The following NOS1AP variants were observed in gnomAD, a reference collection of about 807,000 sequenced individuals.
NOS1AP encodes the protein carboxyl-terminal PDZ ligand of neuronal nitric oxide synthase protein.
NOS1AP carries 21 observed loss-of-function variants against 56.2 expected under a neutral mutation model. The observed-to-expected ratio is 0.37, with a 90% CI of 0.26 to 0.54. The LOEUF is 0.54. Ranked by LOEUF, NOS1AP falls within the 20% of genes least tolerant of loss-of-function variation. NOS1AP has a pLI of 0.84. For missense variants in NOS1AP, 522 were observed against 657.8 expected (o/e 0.79, Z 2.26); for synonymous variants, 270 against 274.6 (o/e 0.98, Z 0.17).
intron 2 of NOS1AP, among the ~76,000 whole-genome samples, chr1:162,175,194 C>T (rs1435488849): frequency 1.3e-5 from 2 of 151,036 alleles, no homozygotes; most frequent in African/African-American, 2.4e-5. Context: ...CACTTACATG[C>T]ACTTACAGAG....
intron 8 of NOS1AP, among the ~76,000 whole-genome samples, chr1:162,358,204 G>T (rs1484901572): frequency 6.6e-6 from 1 of 152,178 alleles, no homozygotes; most frequent in East Asian, 1.9e-4. Flanking sequence ...TCTTGTCCTG[G>T]CTCTTGAGTG....
At chr1:162,204,034 C>G (rs935734114) in intron 2 of NOS1AP, among the ~76,000 whole-genome samples, 4 of 152,198 alleles carry the variant, frequency 2.6e-5, no homozygotes, top group African/African-American at 9.7e-5. Flanking sequence ...CACCCATCCT[C>G]CACAGTATGG....
At chr1:162,081,420 A>G (rs1373380601) in intron 1 of NOS1AP, among the ~76,000 whole-genome samples, 3 of 151,866 alleles carry the variant, frequency 2.0e-5, no homozygotes, top group African/African-American at 7.3e-5. Context: ...TGGGAAGGAG[A>G]GGAGCTCTGG....
chr1:162,117,308 A>G (rs1480000611), intron 1 of NOS1AP, among the ~76,000 whole-genome samples: 1 of 152,126 alleles, frequency 6.6e-6, no homozygotes, highest in Non-Finnish European at 1.5e-5. Flanking sequence ...CTGTGGATTT[A>G]CTTGCTGCTG....
intron 4 of NOS1AP, among the ~76,000 whole-genome samples, chr1:162,320,812 C>A (rs1656391168): frequency 6.6e-6 from 1 of 152,004 alleles, no homozygotes; most frequent in African/African-American, 2.4e-5. Flanking sequence ...CGAGATTGCA[C>A]CACTGCATTC....
intron 1 of NOS1AP, among the ~76,000 whole-genome samples, chr1:162,119,193 A>G (rs905296103): frequency 1.3e-5 from 2 of 152,154 alleles, no homozygotes; most frequent in Admixed American, 6.5e-5. Flanking sequence ...CTTGGGGTCC[A>G]TGGATGGGAA....
At chr1:162,316,748 G>A (rs1242516081) in intron 4 of NOS1AP, 2 of 152,662 alleles carry the variant, frequency 1.3e-5, no homozygotes, top group African/African-American at 4.8e-5. Context: ...TCTCAAGGGT[G>A]GGGAGAATTA....
chr1:162,098,504 T>C (rs1692301586), intron 1 of NOS1AP, among the ~76,000 whole-genome samples: 1 of 152,066 alleles, frequency 6.6e-6, no homozygotes. Flanking sequence ...CGTTTTTTTT[T>C]TTTCTCTAAC....
At chr1:162,254,463 G>A (rs1176411545) in intron 2 of NOS1AP, among the ~76,000 whole-genome samples, 1 of 152,184 alleles carries the variant, frequency 6.6e-6, no homozygotes, top group Non-Finnish European at 1.5e-5. Flanking sequence ...AAAGCCATGG[G>A]CCTGCTAGAT....
chr1:162,274,295 A>G (rs1183424366), intron 2 of NOS1AP, among the ~76,000 whole-genome samples: 1 of 152,182 alleles, frequency 6.6e-6, no homozygotes, highest in East Asian at 1.9e-4. Context: ...AGAGACCCAG[A>G]ACCGGTGAAC....
At chr1:162,157,087 G>A (rs1355663511) in intron 2 of NOS1AP, 1 of 154,690 alleles carries the variant, frequency 6.5e-6, no homozygotes, top group Non-Finnish European at 1.5e-5. Flanking sequence ...AGCAAGGGAA[G>A]GCCGAGGCAT....
intron 2 of NOS1AP, among the ~76,000 whole-genome samples, chr1:162,186,639 G>A (rs1651442353): frequency 6.6e-6 from 1 of 152,172 alleles, no homozygotes; most frequent in African/African-American, 2.4e-5. Flanking sequence ...CTTAGAAGAA[G>A]TGAAAGAGAG....
intron 4 of NOS1AP, among the ~76,000 whole-genome samples, chr1:162,321,649 C>T (rs1229018920): frequency 6.6e-6 from 1 of 150,586 alleles, no homozygotes; most frequent in Non-Finnish European, 1.5e-5. Flanking sequence ...AGCACACCAA[C>T]ATGGCACATG....
intron 2 of NOS1AP, among the ~76,000 whole-genome samples, chr1:162,223,451 T>C (rs1321604818): frequency 6.6e-6 from 1 of 151,836 alleles, no homozygotes; most frequent in East Asian, 1.9e-4. Flanking sequence ...AGCTCTGTGA[T>C]AATTAAGGAC....
chr1:162,263,990 T>G (rs1349428910), intron 2 of NOS1AP, among the ~76,000 whole-genome samples: 1 of 152,230 alleles, frequency 6.6e-6, no homozygotes, highest in African/African-American at 2.4e-5. Context: ...ATCCAACTGC[T>G]GCTCTCTCCG....
chr1:162,121,351 T>C (rs551559953), intron 1 of NOS1AP, among the ~76,000 whole-genome samples: 1 of 152,086 alleles, frequency 6.6e-6, no homozygotes, highest in East Asian at 1.9e-4. Flanking sequence ...ACTCCTGACC[T>C]CAAGTGATCC....
intron 3 of NOS1AP, among the ~76,000 whole-genome samples, chr1:162,298,978 C>T (rs10800422): frequency 0.12 from 18,973 of 152,224 alleles, 1,957 homozygotes; most frequent in East Asian, 0.45. Context: ...TATGTGGTCA[C>T]GGCTATAGAT....
chr1:162,163,392 C>G (rs1354811395), intron 2 of NOS1AP, among the ~76,000 whole-genome samples: 1 of 152,174 alleles, frequency 6.6e-6, no homozygotes, highest in Non-Finnish European at 1.5e-5. Context: ...AGTGCCCAGA[C>G]AGCAGGACCT....
At chr1:162,273,408 A>G (rs1654645408) in intron 2 of NOS1AP, among the ~76,000 whole-genome samples, 2 of 151,912 alleles carry the variant, frequency 1.3e-5, no homozygotes, top group African/African-American at 4.8e-5. Context: ...CTCGTGATCC[A>G]CCCACCTCGG....
Sources: allele counts gnomAD v4.1 joint callset (sites outside exome capture counted in the v4.1 genomes callset), GRCh38; gene constraint gnomAD v4.1.1; transcripts MANE v1.5; gene names NCBI Gene and HGNC (gene_info 2026-07-23, HGNC 2026-07-21).